Variants in SHLD2 observed in about 807,000 individuals in gnomAD.
The protein encoded by SHLD2 is shieldin complex subunit 2, also known as RINN1-REV7-interacting novel NHEJ regulator 2.
A neutral mutation model predicts 73.2 loss-of-function variants in SHLD2; 30 were observed. The ratio of observed to expected loss-of-function variants is 0.41; its 90% CI spans 0.31 to 0.56. SHLD2 has a LOEUF of 0.56. Among genes scored for constraint, SHLD2 ranks in the 20% least tolerant of loss-of-function variants. The pLI is 0.28. For missense variants in SHLD2, 745 were observed against 1,055.9 expected, an observed-to-expected ratio of 0.71 and a Z score of 4.08; for synonymous variants, 285 against 370.1, an observed-to-expected ratio of 0.77 and a Z score of 2.64.
chr10:87,111,077 C>T (rs370495607), intron 2 of SHLD2, among the ~76,000 whole-genome samples: 7 of 152,150 alleles, frequency 4.6e-5, no homozygotes, highest in South Asian at 2.1e-4. Context: ...CTCCTGACCT[C>T]GTGATCTGCC....
At chr10:87,175,347 G>A (rs1589648787) in intron 6 of SHLD2, among the ~76,000 whole-genome samples, 1 of 151,456 alleles carries the variant, frequency 6.6e-6, no homozygotes, top group Non-Finnish European at 1.5e-5. Flanking sequence ...TATAAATGAT[G>A]ACCGTTCAGG....
chr10:87,112,737 A>G (rs1233912624), intron 2 of SHLD2, among the ~76,000 whole-genome samples: 5 of 151,522 alleles, frequency 3.3e-5, no homozygotes, highest in Non-Finnish European at 5.9e-5. Context: ...AACCCAAAAA[A>G]CAAAACCCCA....
intron 2 of SHLD2, among the ~76,000 whole-genome samples, chr10:87,110,732 C>G (rs116388277): frequency 6.6e-6 from 1 of 151,332 alleles, no homozygotes; most frequent in African/African-American, 2.4e-5. Context: ...AACTATAAAA[C>G]GCTTAGAAGG....
intron 2 of SHLD2, among the ~76,000 whole-genome samples, chr10:87,132,760 C>T (rs528483166): frequency 1.3e-3 from 203 of 152,216 alleles, no homozygotes; most frequent in Middle Eastern, 3.4e-3. Flanking sequence ...GGCAACAGGA[C>T]AAGACCCTGT....
rs980409152 is a variant in SHLD2 at position 87,151,465 on chromosome 10, A to G, written c.111A>G (p.Lys37=). 14 of 1,610,782 alleles carry G rather than the reference A, an allele frequency of 8.7e-6. No homozygotes were observed. Among genetic ancestry groups the G allele is most frequent in the Non-Finnish European group, 1.2e-5 (14 of 1,179,452 alleles). The part of the protein sequence containing the change: ...ASLMSVADPW[K]KIQLLYSQHS... ...TAATGTCTGTTGCTGACCCCTGGAA[A>G]AAAATTCAGCTTTTATACAGTCAAC... The change falls in exon 3 of 10, where the codon AAA becomes AAG. Residue 37 remains lysine, a synonymous_variant. Transcript: ENST00000298786.
chr10:87,123,391 TC>T (rs1293434017), intron 2 of SHLD2, among the ~76,000 whole-genome samples: 1 of 151,888 alleles, frequency 6.6e-6, no homozygotes, highest in Non-Finnish European at 1.5e-5. Context: ...AACCTTCACC[TC>T]CCAGGTTCAA....
Position 87,104,870 on chromosome 10 carries a change from A to G in SHLD2, c.-6+7881A>G, listed in dbSNP as rs1440616496. ...GAGATGAGGTTTCACCATGTTGGCC[A>G]GGCTGCTCTTGAACTCCTGACCTTG... On this transcript the variant is annotated intron_variant, in intron 2 of 9. Coordinates refer to ENST00000298786, the MANE Select transcript of SHLD2 (RefSeq NM_001330112.2). Among the ~76,000 whole-genome samples the G allele has an allele frequency of 2.6e-5, 4 of 152,068 alleles. No individual in the cohort carries two copies. In the East Asian group the frequency reaches 7.7e-4, roughly 29 times the overall value.
intron 2 of SHLD2, among the ~76,000 whole-genome samples, chr10:87,097,550 C>T (rs1289739242): frequency 6.6e-6 from 1 of 151,914 alleles, no homozygotes; most frequent in Non-Finnish European, 1.5e-5. Context: ...CGAGATCGTG[C>T]CATTGCACTC....
intron 2 of SHLD2, among the ~76,000 whole-genome samples, chr10:87,106,392 A>G (rs1564577019): frequency 6.7e-6 from 1 of 149,882 alleles, no homozygotes; most frequent in African/African-American, 2.5e-5. Context: ...TTACTGTGAT[A>G]ATATATTTTT....
rs1248987569 is a variant in SHLD2, at chr10:87,152,885, G to A, written c.1525+6G>A. The A allele has an allele frequency of 7.5e-6, 12 of 1,608,324 alleles. No homozygotes were observed. Among genetic ancestry groups the A allele is most frequent in the African/African-American group, 1.3e-5 (1 of 74,552 alleles). ...AGATATAATTTTACTCACAGGTGAG[G>A]TCATTATGGTATAGTGGTAGCTTAT... On this transcript the variant is annotated splice_donor_region_variant and intron_variant, in intron 3 of 9. Transcript: ENST00000298786.
intron 2 of SHLD2, among the ~76,000 whole-genome samples, chr10:87,103,445 A>G (rs1842398320): frequency 6.6e-6 from 1 of 152,318 alleles, no homozygotes; most frequent in East Asian, 1.9e-4. Context: ...TTTGATCATC[A>G]CAACAATTTG....
intron 2 of SHLD2, among the ~76,000 whole-genome samples, chr10:87,124,378 A>T (rs1843835873): frequency 6.6e-6 from 1 of 151,608 alleles, no homozygotes; most frequent in Admixed American, 6.6e-5. Context: ...TCTACAAAAA[A>T]TACAAAAATC....
intron 2 of SHLD2, among the ~76,000 whole-genome samples, chr10:87,140,153 T>C (rs1845082629): frequency 6.6e-6 from 1 of 152,034 alleles, no homozygotes; most frequent in Non-Finnish European, 1.5e-5. Flanking sequence ...GGTGGGTGGC[T>C]CACACTTGTA....
intron 2 of SHLD2, among the ~76,000 whole-genome samples, chr10:87,107,558 A>G (rs1842681189): frequency 6.6e-6 from 1 of 152,236 alleles, no homozygotes; most frequent in Non-Finnish European, 1.5e-5. Context: ...GAAGCAACCT[A>G]TTAAAGAGCT....
intron 2 of SHLD2, among the ~76,000 whole-genome samples, chr10:87,135,094 TAG>T (rs989985239): frequency 3.3e-5 from 5 of 152,076 alleles, no homozygotes; most frequent in African/African-American, 7.2e-5. Flanking sequence ...CAAGATAGTA[TAG>T]AGAGTTCCCA....
chr10:87,136,311 G>C (rs1695998744), intron 2 of SHLD2, among the ~76,000 whole-genome samples: 2 of 151,844 alleles, frequency 1.3e-5, no homozygotes, highest in African/African-American at 4.8e-5. Flanking sequence ...AGATGCGCTA[G>C]TATATTTAGA....
intron 2 of SHLD2, among the ~76,000 whole-genome samples, chr10:87,116,044 T>C (rs1843238589): frequency 2.0e-5 from 3 of 152,224 alleles, no homozygotes; most frequent in Admixed American, 2.0e-4. Flanking sequence ...CAATGTCAAA[T>C]GTAGCCCACA....
intron 2 of SHLD2, among the ~76,000 whole-genome samples, chr10:87,147,161 C>T (rs1386059608): frequency 6.7e-6 from 1 of 149,844 alleles, no homozygotes; most frequent in East Asian, 1.9e-4. Context: ...CCTCTGAATT[C>T]TCAGGATTGC....
intron 6 of SHLD2, among the ~76,000 whole-genome samples, chr10:87,174,753 A>G (rs1392410726): frequency 6.6e-6 from 1 of 152,172 alleles, no homozygotes; most frequent in Non-Finnish European, 1.5e-5. Flanking sequence ...AGAATATGAT[A>G]ATACAGATAA....
Sources: allele counts gnomAD v4.1 joint callset (sites outside exome capture counted in the v4.1 genomes callset), GRCh38; gene constraint gnomAD v4.1.1; transcripts MANE v1.5; gene names NCBI Gene and HGNC (gene_info 2026-07-23, HGNC 2026-07-21).